The following NTN1 variants were observed in gnomAD, a reference collection of about 807,000 sequenced individuals.
NTN1 encodes the protein netrin-1.
A neutral mutation model predicts 54.2 loss-of-function variants in NTN1; 11 were observed. The observed-to-expected ratio is 0.20, with a 90% confidence interval of 0.13 to 0.34. The LOEUF (loss-of-function observed/expected upper bound fraction) is 0.34, where lower values mean the gene tolerates loss of function less well. Ranked by LOEUF, NTN1 falls within the 10% of genes least tolerant of loss-of-function variation. The pLI is 1.00. For synonymous variants in NTN1, 371 were observed against 382.0 expected (o/e 0.97, Z 0.33); for missense variants, 740 against 893.1 (o/e 0.83, Z 2.18).
In NTN1 at chr17:9,224,356, G is replaced by A. The variant is rs555920581; in HGVS notation, c.1486+3114G>A. 4.6e-5 allele frequency among the ~76,000 whole-genome samples: 7 copies of A among 152,308 alleles called. No homozygotes were observed. The South Asian group carries it at 8.3e-4, about 18-fold the overall frequency. Reference sequence around the variant, plus strand: ...CCCTGCCCTGTTGTGGCCGCCCTGGGCAATGGGGGGCATCTCTCTTGGGGC... The same window carrying A: ...CCCTGCCCTGTTGTGGCCGCCCTGGACAATGGGGGGCATCTCTCTTGGGGC... On this transcript the variant is annotated intron_variant, in intron 6 of 6. Transcript: ENST00000173229.
At position 9,221,534 on chromosome 17, in the gene NTN1, C is replaced by T. The variant is rs1283726392; in HGVS notation, c.1486+292C>T. On this transcript the variant is annotated intron_variant, in intron 6 of 6. Transcript: ENST00000173229. This position sits in a 1 kb window ranked among gnomAD's most constrained non-coding sequence, Gnocchi z 4.5. Reference sequence around the variant, plus strand: ...ACTCTGCCGCTGATGGGCTGTGTGGCCACAGACCAGTGGCTTTACCTCTGT... The same window carrying T: ...ACTCTGCCGCTGATGGGCTGTGTGGTCACAGACCAGTGGCTTTACCTCTGT... Among the ~76,000 whole-genome samples, 1 of 152,218 alleles carries T rather than the reference C, an allele frequency of 6.6e-6. No individual in the cohort carries two copies. The highest frequency in any genetic ancestry group is 1.5e-5 in the Non-Finnish European group (1 of 68,032).
intron 6 of NTN1, among the ~76,000 whole-genome samples, chr17:9,235,781 C>T (rs1905968119): frequency 6.6e-6 from 1 of 150,406 alleles, no homozygotes; most frequent in South Asian, 2.1e-4. Flanking sequence ...AGAGTCTCGC[C>T]CTGTCCCCTG....
At chr17:9,099,410 A>T (rs76896286) in intron 2 of NTN1, among the ~76,000 whole-genome samples, 1 of 151,264 alleles carries the variant, frequency 6.6e-6, no homozygotes, top group Non-Finnish European at 1.5e-5. Context: ...TGTCTAAAAC[A>T]AAAAAAAATC....
chr17:9,015,594 A>G, the NTN1 span, among the ~76,000 whole-genome samples: 1 of 151,760 alleles, frequency 6.6e-6, no homozygotes, highest in Non-Finnish European at 1.5e-5. Flanking sequence ...CCTCCCCTGT[A>G]TCCTCGTCCT....
chr17:9,099,601 C>T (rs887253966), intron 2 of NTN1, among the ~76,000 whole-genome samples: 7 of 151,892 alleles, frequency 4.6e-5, no homozygotes, highest in African/African-American at 1.7e-4. Context: ...ATCATAGATA[C>T]GTGTTTGTAT....
intron 2 of NTN1, among the ~76,000 whole-genome samples, chr17:9,025,431 TTTAA>T (rs759392166): frequency 2.0e-5 from 3 of 152,214 alleles, no homozygotes; most frequent in African/African-American, 4.8e-5. Flanking sequence ...GTTCAAAAAG[TTTAA>T]TTAGGCTTAA....
chr17:9,122,204 A>AT (rs1231477000), intron 2 of NTN1, among the ~76,000 whole-genome samples: 3 of 151,772 alleles, frequency 2.0e-5, no homozygotes, highest in African/African-American at 7.3e-5. Context: ...CACCCAGCTA[A>AT]TTTTTTGTAT....
chr17:9,007,219 TTCTC>T, the NTN1 span, among the ~76,000 whole-genome samples: 14 of 151,518 alleles, frequency 9.2e-5, no homozygotes, highest in East Asian at 9.7e-4. Context: ...CTTCCTTTCT[TTCTC>T]TCTGTTTCTT....
At chr17:9,229,483 C>T (rs979177573) in intron 6 of NTN1, among the ~76,000 whole-genome samples, 3 of 152,138 alleles carry the variant, frequency 2.0e-5, no homozygotes, top group South Asian at 2.1e-4. Context: ...AGGTACTCCA[C>T]GGCTGAGACC....
chr17:9,228,469 G>A (rs943582742), intron 6 of NTN1, among the ~76,000 whole-genome samples: 12 of 152,142 alleles, frequency 7.9e-5, no homozygotes, highest in African/African-American at 2.9e-4. Context: ...ACACGCGGGG[G>A]CTCCCATCCA....
intron 2 of NTN1, among the ~76,000 whole-genome samples, chr17:9,141,121 G>A (rs752503764): frequency 1.3e-5 from 2 of 152,040 alleles, no homozygotes; most frequent in South Asian, 2.1e-4. Flanking sequence ...TGGGGTGGGC[G>A]GTTGGATAGA....
intron 2 of NTN1, among the ~76,000 whole-genome samples, chr17:9,129,318 G>A (rs958155917): frequency 6.6e-6 from 1 of 152,040 alleles, no homozygotes; most frequent in Admixed American, 6.5e-5. Context: ...GAAGGCCCCA[G>A]AGCCCAGGTC....
intron 5 of NTN1, among the ~76,000 whole-genome samples, chr17:9,184,817 C>T (rs1043426354): frequency 6.6e-6 from 1 of 152,226 alleles, no homozygotes; most frequent in African/African-American, 2.4e-5. Flanking sequence ...GAGGTTTCTA[C>T]ATAGGCTACA....
chr17:9,044,673 C>T (rs1324777680), intron 2 of NTN1, among the ~76,000 whole-genome samples: 1 of 152,106 alleles, frequency 6.6e-6, no homozygotes, highest in Non-Finnish European at 1.5e-5. Flanking sequence ...TATTTATTGA[C>T]TCAATCTAAT....
At chr17:9,152,528 A>G (rs2092330737) in intron 2 of NTN1, among the ~76,000 whole-genome samples, 1 of 152,100 alleles carries the variant, frequency 6.6e-6, no homozygotes, top group Non-Finnish European at 1.5e-5. Flanking sequence ...GGCCATGGCA[A>G]TTCCCAGCTG....
chr17:9,191,985 A>C (rs1161966990), intron 5 of NTN1, among the ~76,000 whole-genome samples: 1 of 152,076 alleles, frequency 6.6e-6, no homozygotes, highest in Non-Finnish European at 1.5e-5. Flanking sequence ...AAAAAAAAAA[A>C]AAAGTATTAG....
chr17:9,152,677 G>A (rs2092330962), intron 2 of NTN1, among the ~76,000 whole-genome samples: 1 of 152,170 alleles, frequency 6.6e-6, no homozygotes, highest in African/African-American at 2.4e-5. Context: ...CCTCCCAAAG[G>A]CCTCCATGCT....
At chr17:9,050,106 G>T (rs1471038401) in intron 2 of NTN1, among the ~76,000 whole-genome samples, 2 of 151,860 alleles carry the variant, frequency 1.3e-5, no homozygotes, top group African/African-American at 2.4e-5. Context: ...AATTAGCCAG[G>T]TGTGGTGGTG....
chr17:9,154,856 C>T (rs1317295602), intron 2 of NTN1, among the ~76,000 whole-genome samples: 1 of 152,176 alleles, frequency 6.6e-6, no homozygotes, highest in East Asian at 1.9e-4. Context: ...CTGCCCACTG[C>T]CCCATCACAG....
Sources: gnomAD v4.1 joint callset for allele counts (sites outside exome capture counted in the v4.1 genomes callset) on GRCh38, gnomAD v4.1.1 for gene constraint, Gnocchi (gnomAD v3.1) non-coding constraint, MANE v1.5 for transcripts, NCBI Gene and HGNC (gene_info 2026-07-23, HGNC 2026-07-21) for gene names.